The following MYO16 variants were observed in gnomAD, a reference collection of about 807,000 sequenced individuals.
MYO16 encodes unconventional myosin-XVI.
MYO16 carries 94 observed loss-of-function variants against 205.3 expected under a neutral mutation model. That is an observed-to-expected ratio of 0.46 (90% CI 0.39 to 0.54). The LOEUF (loss-of-function observed/expected upper bound fraction) is 0.54, where lower values mean the gene tolerates loss of function less well. MYO16 is among the 20% of genes least tolerant of loss of function. The pLI is 0.00. For synonymous variants in MYO16, 988 were observed against 954.0 expected (o/e 1.04, Z -0.66); for missense variants, 2,315 against 2,387.5 (o/e 0.97, Z 0.63).
Position 108,799,012 on chromosome 13 carries a change from C to G in MYO16, c.741+5372C>G, listed in dbSNP as rs369548048. Among the ~76,000 whole-genome samples the G allele has an allele frequency of 8.5e-5, 13 of 152,310 alleles. No individual in the cohort carries two copies. The East Asian group carries it at 2.5e-3, about 29-fold the overall frequency. On this transcript the variant is annotated intron_variant, in intron 6 of 34. Coordinates refer to ENST00000457511, the MANE Select transcript of MYO16 (RefSeq NM_001198950.3). The stretch of plus-strand genomic sequence containing the variant: ...GAGCCACCGCGCCCGGCCCCCGAGG[C>G]TTATTTATTTGGTTTGTTAGGAAAG...
the MYO16 span, among the ~76,000 whole-genome samples, chr13:108,528,599 CCCTCTCCTCT>C: frequency 2.7e-4 from 3 of 11,058 alleles, no homozygotes; most frequent in Admixed American, 1.7e-3. Flanking sequence ...CCCTCCTCTC[CCCTCTCCTCT>C]CCTCCCCTCC....
intron 14 of MYO16, among the ~76,000 whole-genome samples, chr13:108,893,343 T>C (rs1457156489): frequency 6.6e-6 from 1 of 151,782 alleles, no homozygotes; most frequent in East Asian, 1.9e-4. Flanking sequence ...CATTGATGGG[T>C]TCTTGGAAAC....
chr13:108,922,385 C>G (rs903346113), intron 16 of MYO16, among the ~76,000 whole-genome samples: 1 of 152,102 alleles, frequency 6.6e-6, no homozygotes, highest in African/African-American at 2.4e-5. Context: ...GAGGGCCACG[C>G]TGCTGAGAGA....
intron 4 of MYO16, among the ~76,000 whole-genome samples, chr13:108,762,615 G>A (rs376348275): frequency 1.3e-5 from 2 of 152,034 alleles, no homozygotes; most frequent in African/African-American, 2.4e-5. Context: ...AAAATATCTC[G>A]AAGGTGGCAT....
At chr13:108,591,142 A>G in the MYO16 span, among the ~76,000 whole-genome samples, 2 of 152,030 alleles carry the variant, frequency 1.3e-5, no homozygotes, top group Non-Finnish European at 2.9e-5. Flanking sequence ...CAGGTCCCTC[A>G]CCTCATCTCC....
At chr13:108,963,305 C>T (rs753751852) in intron 19 of MYO16, among the ~76,000 whole-genome samples, 3 of 152,072 alleles carry the variant, frequency 2.0e-5, no homozygotes, top group Non-Finnish European at 4.4e-5. Flanking sequence ...AGTCATTATT[C>T]CTGCCTCACT....
At chr13:108,763,222 A>C (rs1267409790) in intron 4 of MYO16, among the ~76,000 whole-genome samples, 2 of 152,206 alleles carry the variant, frequency 1.3e-5, no homozygotes, top group African/African-American at 4.8e-5. Context: ...TGATATACTT[A>C]TGTGGTATAC....
At chr13:109,109,335 T>G (rs1477490042) in intron 28 of MYO16, among the ~76,000 whole-genome samples, 1 of 152,178 alleles carries the variant, frequency 6.6e-6, no homozygotes, top group Admixed American at 6.5e-5. Context: ...GGAGAAGGTG[T>G]GTTTAGAGCT....
At chr13:109,174,533 T>G (rs1879074560) in intron 33 of MYO16, among the ~76,000 whole-genome samples, 1 of 152,064 alleles carries the variant, frequency 6.6e-6, no homozygotes, top group South Asian at 2.1e-4. Context: ...AGATGTCCAA[T>G]TTCATGGAAA....
intron 9 of MYO16, among the ~76,000 whole-genome samples, chr13:108,831,523 T>C (rs12858450): frequency 0.55 from 83,003 of 151,900 alleles, 25,410 homozygotes; most frequent in Middle Eastern, 0.71. Flanking sequence ...AGTTACTTTC[T>C]TTTTTCCAGA....
At chr13:108,751,231 A>G (rs1042195381) in intron 4 of MYO16, among the ~76,000 whole-genome samples, 1 of 152,134 alleles carries the variant, frequency 6.6e-6, no homozygotes, top group African/African-American at 2.4e-5. Flanking sequence ...TTTTGGAGAA[A>G]CGACTGAATC....
intron 34 of MYO16, among the ~76,000 whole-genome samples, chr13:109,189,114 AG>A (rs773385982): frequency 2.8e-4 from 43 of 151,844 alleles, no homozygotes; most frequent in South Asian, 8.3e-4. Context: ...AAAAAAAAAA[AG>A]AAGGACACAT....
chr13:108,718,745 T>C (rs571915396), intron 3 of MYO16, among the ~76,000 whole-genome samples: 1 of 152,264 alleles, frequency 6.6e-6, no homozygotes, highest in African/African-American at 2.4e-5. Flanking sequence ...GTGGCTTTTT[T>C]CAAATTCATT....
intron 4 of MYO16, among the ~76,000 whole-genome samples, chr13:108,782,552 A>G (rs1004062638): frequency 6.6e-6 from 1 of 152,226 alleles, no homozygotes; most frequent in Admixed American, 6.5e-5. Flanking sequence ...AGAAATTTGC[A>G]TAAGTGGCAA....
chr13:109,150,481 A>G (rs1877596541), intron 32 of MYO16, among the ~76,000 whole-genome samples: 3 of 152,216 alleles, frequency 2.0e-5, no homozygotes, highest in African/African-American at 7.2e-5. Context: ...AATCTGATCA[A>G]AAAGGTACCC....
intron 33 of MYO16, among the ~76,000 whole-genome samples, chr13:109,173,238 A>G (rs1270442925): frequency 6.6e-6 from 1 of 152,248 alleles, no homozygotes; most frequent in Non-Finnish European, 1.5e-5. Flanking sequence ...GCAACACAAG[A>G]TGACCTCTGT....
chr13:108,981,694 C>T (rs200090388), intron 20 of MYO16, among the ~76,000 whole-genome samples: 3 of 152,200 alleles, frequency 2.0e-5, no homozygotes, highest in African/African-American at 7.2e-5. Flanking sequence ...GTCTGCCAGG[C>T]GGCCCAAGGT....
intron 20 of MYO16, among the ~76,000 whole-genome samples, chr13:108,989,948 G>C (rs1430783173): frequency 6.6e-6 from 1 of 152,006 alleles, no homozygotes; most frequent in African/African-American, 2.4e-5. Context: ...TTCTAGCAAT[G>C]ATCTAGCTGG....
upstream of MYO16, among the ~76,000 whole-genome samples, chr13:108,591,245 T>C (rs1878391232): frequency 6.6e-6 from 1 of 152,158 alleles, no homozygotes; most frequent in Non-Finnish European, 1.5e-5. Context: ...CATCAGGAGG[T>C]GCTCCAGGGG....
Sources: gnomAD v4.1 joint callset for allele counts (sites outside exome capture counted in the v4.1 genomes callset) on GRCh38, gnomAD v4.1.1 for gene constraint, MANE v1.5 for transcripts, NCBI Gene and HGNC (gene_info 2026-07-23, HGNC 2026-07-21) for gene names.